ARB2A: variants seen among roughly 807,000 people sequenced by gnomAD.
The protein encoded by ARB2A is cotranscriptional regulator ARB2A.
At chr5:93,788,384 C>T in the ARB2A span, among the ~76,000 whole-genome samples, 6 of 152,118 alleles carry the variant, frequency 3.9e-5, no homozygotes, top group Admixed American at 3.9e-4. Flanking sequence ...TACCTCTGCT[C>T]CCTTCCGTGT....
At chr5:94,043,740 C>T in the ARB2A span, among the ~76,000 whole-genome samples, 1 of 152,268 alleles carries the variant, frequency 6.6e-6, no homozygotes, top group Non-Finnish European at 1.5e-5. Flanking sequence ...ATAATTTACC[C>T]AACTCATAGG....
the ARB2A span, among the ~76,000 whole-genome samples, chr5:93,880,611 G>A: frequency 1.3e-5 from 2 of 151,442 alleles, no homozygotes; most frequent in Admixed American, 1.3e-4. Flanking sequence ...TAGCATTTTC[G>A]ACATGCTTTA....
chr5:93,940,735 T>C, the ARB2A span, among the ~76,000 whole-genome samples: 2 of 152,098 alleles, frequency 1.3e-5, no homozygotes, highest in Non-Finnish European at 2.9e-5. Context: ...GTAAATATAA[T>C]ACATTTAATC....
chr5:93,833,704 A>G, the ARB2A span, among the ~76,000 whole-genome samples: 3 of 152,226 alleles, frequency 2.0e-5, no homozygotes, highest in Non-Finnish European at 2.9e-5. Flanking sequence ...ATTTCTACAA[A>G]GTACATGCTT....
At chr5:93,678,687 C>T in the ARB2A span, among the ~76,000 whole-genome samples, 5 of 151,340 alleles carry the variant, frequency 3.3e-5, no homozygotes, top group Non-Finnish European at 5.9e-5. Context: ...ACCCAGAAGG[C>T]GGAGGTTGCA....
chr5:93,805,326 A>C, the ARB2A span: 1 of 985,056 alleles, frequency 1.0e-6, no homozygotes, highest in African/African-American at 1.7e-5. Flanking sequence ...TAAAGGAAAA[A>C]GCAAAGGATT....
the ARB2A span, among the ~76,000 whole-genome samples, chr5:93,972,337 T>C: frequency 6.6e-6 from 1 of 151,942 alleles, no homozygotes; most frequent in African/African-American, 2.4e-5. Flanking sequence ...AAGAAACCTA[T>C]ATAGAGCCTT....
the ARB2A span, among the ~76,000 whole-genome samples, chr5:93,727,269 T>C: frequency 1.3e-5 from 2 of 152,036 alleles, no homozygotes; most frequent in South Asian, 4.1e-4. Flanking sequence ...GCAGAAGCAT[T>C]GGACAATAAC....
the ARB2A span, chr5:93,683,197 TTCA>T: frequency 1.3e-5 from 17 of 1,307,870 alleles, no homozygotes; most frequent in African/African-American, 1.7e-4. Context: ...CATCATCATC[TTCA>T]TCATCATCCT....
chr5:93,711,983 G>C, the ARB2A span, among the ~76,000 whole-genome samples: 1 of 152,226 alleles, frequency 6.6e-6, no homozygotes, highest in African/African-American at 2.4e-5. Flanking sequence ...AAATGAGTGA[G>C]AGGCTGAGAG....
At chr5:93,894,912 A>G in the ARB2A span, among the ~76,000 whole-genome samples, 7 of 152,202 alleles carry the variant, frequency 4.6e-5, no homozygotes, top group Non-Finnish European at 1.0e-4. Flanking sequence ...TCCAATCTGT[A>G]TGAACGGTGC....
At chr5:93,672,280 G>T in the ARB2A span, among the ~76,000 whole-genome samples, 1 of 151,782 alleles carries the variant, frequency 6.6e-6, no homozygotes, top group Admixed American at 6.6e-5. Context: ...TCTTAAAAAA[G>T]TAGTGATAGA....
chr5:94,052,684 G>A, the ARB2A span, among the ~76,000 whole-genome samples: 1 of 152,266 alleles, frequency 6.6e-6, no homozygotes, highest in African/African-American at 2.4e-5. Flanking sequence ...TTAAAACAAG[G>A]ATGTTGCCTG....
At chr5:93,730,273 C>CAGCA in the ARB2A span, among the ~76,000 whole-genome samples, 1 of 152,070 alleles carries the variant, frequency 6.6e-6, no homozygotes, top group Non-Finnish European at 1.5e-5. Flanking sequence ...GACACAGAAG[C>CAGCA]AGCAAAACGT....
At chr5:93,906,733 A>G in the ARB2A span, among the ~76,000 whole-genome samples, 4 of 151,510 alleles carry the variant, frequency 2.6e-5, no homozygotes, top group Non-Finnish European at 5.9e-5. Context: ...CTGAAAAGAT[A>G]ATCTGGTACC....
At chr5:93,902,165 C>T in the ARB2A span, among the ~76,000 whole-genome samples, 13 of 151,792 alleles carry the variant, frequency 8.6e-5, no homozygotes, top group South Asian at 2.1e-4. Context: ...TGGTTTTTAA[C>T]GTATTTCTAT....
the ARB2A span, among the ~76,000 whole-genome samples, chr5:93,812,646 T>C: frequency 2.0e-5 from 3 of 152,172 alleles, no homozygotes; most frequent in Non-Finnish European, 2.9e-5. Flanking sequence ...TTGAGACTTC[T>C]GGAAATTTAG....
At chr5:94,017,982 T>C in the ARB2A span, among the ~76,000 whole-genome samples, 1 of 152,126 alleles carries the variant, frequency 6.6e-6, no homozygotes, top group African/African-American at 2.4e-5. Flanking sequence ...TTATCAGAGG[T>C]TTCCGCTTTT....
the ARB2A span, among the ~76,000 whole-genome samples, chr5:93,960,095 C>G: frequency 7.2e-6 from 1 of 139,196 alleles, no homozygotes; most frequent in Non-Finnish European, 1.5e-5. Flanking sequence ...CCCCCCCCCC[C>G]AAAAAAAGCC....
Sources: allele counts gnomAD v4.1 joint callset (sites outside exome capture counted in the v4.1 genomes callset), GRCh38; gene constraint gnomAD v4.1.1; transcripts MANE v1.5; gene names NCBI Gene and HGNC (gene_info 2026-07-23, HGNC 2026-07-21).